The following CNBD1 variants were observed in gnomAD, a reference collection of about 807,000 sequenced individuals.
The protein encoded by CNBD1 is cyclic nucleotide-binding domain-containing protein 1.
In CNBD1, 71 loss-of-function variants were observed where a neutral mutation model predicts 54.4. That is an observed-to-expected ratio of 1.30 (90% CI 1.08 to 1.59). CNBD1 has a LOEUF of 1.59. Ranked by LOEUF, CNBD1 falls within the 40% of genes most tolerant of loss-of-function variation. The pLI, the probability that CNBD1 is intolerant of heterozygous loss-of-function variation, is 0.00. For synonymous variants in CNBD1, 182 were observed against 170.7 expected (o/e 1.07, Z -0.51); for missense variants, 659 against 518.0 (o/e 1.27, Z -2.64).
At chr8:86,868,092 T>C (rs1563804596) in intron 1 of CNBD1, among the ~76,000 whole-genome samples, 1 of 152,214 alleles carries the variant, frequency 6.6e-6, no homozygotes, top group Non-Finnish European at 1.5e-5. Context: ...ATTGTCTCAC[T>C]GCTGAAACAA....
chr8:86,908,354 G>T (rs1353594130), intron 3 of CNBD1, among the ~76,000 whole-genome samples: 2 of 152,144 alleles, frequency 1.3e-5, no homozygotes, highest in South Asian at 2.1e-4. Context: ...AAATAGAAAA[G>T]AATCTGTGTT....
At chr8:87,202,829 C>T (rs1169067663) in intron 4 of CNBD1, among the ~76,000 whole-genome samples, 2 of 152,164 alleles carry the variant, frequency 1.3e-5, no homozygotes, top group African/African-American at 4.8e-5. Context: ...GAGAGCATGG[C>T]TGGCCAGGAA....
intron 10 of CNBD1, among the ~76,000 whole-genome samples, chr8:87,368,630 C>G (rs990627033): frequency 3.3e-5 from 5 of 151,846 alleles, no homozygotes; most frequent in African/African-American, 1.2e-4. Flanking sequence ...GAACAAAAAC[C>G]TATCTCAAAA....
At chr8:86,887,342 A>G (rs1016614027) in intron 1 of CNBD1, among the ~76,000 whole-genome samples, 200 bp from the exon 2 acceptor site, 1 of 152,194 alleles carries the variant, frequency 6.6e-6, no homozygotes, top group Non-Finnish European at 1.5e-5. Flanking sequence ...TTTGACATCA[A>G]TAAAAAACAT....
chr8:87,370,059 A>T (rs1018221861), intron 10 of CNBD1, among the ~76,000 whole-genome samples: 3 of 151,978 alleles, frequency 2.0e-5, no homozygotes, highest in Admixed American at 6.6e-5. Context: ...ACATGAACTC[A>T]TCATTTTTTA....
intron 4 of CNBD1, among the ~76,000 whole-genome samples, chr8:87,004,819 G>T (rs140142053): frequency 1.3e-5 from 2 of 152,228 alleles, no homozygotes; most frequent in East Asian, 1.9e-4. Flanking sequence ...GGTGCTCTTT[G>T]TAATTCATAC....
intron 2 of CNBD1, among the ~76,000 whole-genome samples, chr8:87,426,412 A>G (rs1808051923): frequency 6.6e-6 from 1 of 152,208 alleles, no homozygotes; most frequent in South Asian, 2.1e-4. Flanking sequence ...TGGTATAAAA[A>G]CTTGAATAAT....
intron 2 of CNBD1, among the ~76,000 whole-genome samples, chr8:86,901,994 ATGTGTTCACTCAT>A (rs2131805145): frequency 6.6e-6 from 1 of 152,318 alleles, no homozygotes; most frequent in African/African-American, 2.4e-5. Flanking sequence ...GACAATTGGA[ATGTGTTCACTCAT>A]TTTTCTACTT....
rs199665333 is a variant in CNBD1 at position 87,074,993 on chromosome 8, AG to A, written c.432-130999del. Among the ~76,000 whole-genome samples the A allele has an allele frequency of 4.3e-4, 66 of 152,332 alleles. No homozygotes were observed. The East Asian group carries it at 5.6e-3, about 13-fold the overall frequency. On this transcript the variant is annotated intron_variant, in intron 4 of 10. Transcript: ENST00000518476. ...TTATTTAATCTGTCTTTTTGGAAAA[AG>A]TACATAGCTTCTGTCTGTTTTAGTT...
intron 5 of CNBD1, among the ~76,000 whole-genome samples, chr8:87,217,501 A>G (rs1814237303): frequency 6.6e-6 from 1 of 152,162 alleles, no homozygotes; most frequent in South Asian, 2.1e-4. Flanking sequence ...TCTAATCTAG[A>G]CAACAAACAT....
At chr8:87,387,487 C>T (rs924568187), downstream of CNBD1, among the ~76,000 whole-genome samples, 6 of 152,046 alleles carry the variant, frequency 3.9e-5, no homozygotes, top group Admixed American at 3.9e-4. Flanking sequence ...TTTAAACCAA[C>T]AAAGATCAAA....
chr8:87,314,749 A>T (rs922187470), intron 8 of CNBD1, among the ~76,000 whole-genome samples: 1 of 152,048 alleles, frequency 6.6e-6, no homozygotes, highest in Non-Finnish European at 1.5e-5. Context: ...CTCTTTGTCA[A>T]TTTTAAAGGA....
intron 10 of CNBD1, among the ~76,000 whole-genome samples, chr8:87,376,893 T>C (rs569113484): frequency 6.6e-6 from 1 of 151,766 alleles, no homozygotes; most frequent in Admixed American, 6.6e-5. Context: ...ATCAGAACCT[T>C]AGAAAGAAGA....
At chr8:87,030,401 T>A (rs2130592452) in intron 4 of CNBD1, among the ~76,000 whole-genome samples, 1 of 152,352 alleles carries the variant, frequency 6.6e-6, no homozygotes, top group East Asian at 1.9e-4. Context: ...AACTTTGGTT[T>A]ATCTTTATAG....
intron 2 of CNBD1, among the ~76,000 whole-genome samples, chr8:86,890,752 C>T (rs1278860086): frequency 6.6e-6 from 1 of 152,026 alleles, no homozygotes; most frequent in Non-Finnish European, 1.5e-5. Flanking sequence ...CTCATCAGCA[C>T]TTACCTTTCT....
chr8:87,381,605 T>A (rs1811076366), intron 10 of CNBD1, among the ~76,000 whole-genome samples: 1 of 152,022 alleles, frequency 6.6e-6, no homozygotes, highest in Non-Finnish European at 1.5e-5. Context: ...GCATAATAGC[T>A]AATATGTGGG....
intron 4 of CNBD1, among the ~76,000 whole-genome samples, chr8:87,106,337 C>T (rs916738468): frequency 4.6e-5 from 7 of 151,980 alleles, no homozygotes; most frequent in South Asian, 2.1e-4. Context: ...TCTCAGCCAC[C>T]GGAATAGCTG....
intron 8 of CNBD1, among the ~76,000 whole-genome samples, chr8:87,296,043 C>A (rs1174094696): frequency 5.9e-5 from 9 of 152,030 alleles, no homozygotes; most frequent in Non-Finnish European, 1.3e-4. Context: ...TATTGATTGT[C>A]TTTTTTCCTG....
chr8:87,270,281 C>A (rs982939687), intron 6 of CNBD1, among the ~76,000 whole-genome samples: 3 of 151,586 alleles, frequency 2.0e-5, no homozygotes, highest in Non-Finnish European at 4.4e-5. Context: ...AAACAAACAA[C>A]CTCATTAAAA....
Sources: allele counts gnomAD v4.1 joint callset (sites outside exome capture counted in the v4.1 genomes callset), GRCh38; gene constraint gnomAD v4.1.1; transcripts MANE v1.5; gene names NCBI Gene and HGNC (gene_info 2026-07-23, HGNC 2026-07-21).